The following TCF12 variants were observed in gnomAD, a reference collection of about 807,000 sequenced individuals.
The protein encoded by TCF12 is DNA-binding protein HTF4.
In TCF12, 45 loss-of-function variants were observed where a neutral mutation model predicts 86.0. The observed-to-expected ratio is 0.52, with a 90% CI of 0.41 to 0.67. TCF12 has a LOEUF of 0.67. TCF12 is among the 30% of genes least tolerant of loss of function. The pLI is 0.00. For synonymous variants in TCF12, 330 were observed against 299.6 expected (o/e 1.10, Z -1.05); for missense variants, 881 against 859.9 (o/e 1.02, Z -0.31).
intron 3 of TCF12, among the ~76,000 whole-genome samples, chr15:56,952,214 A>G (rs1184339422): frequency 6.6e-6 from 1 of 152,060 alleles, no homozygotes; most frequent in African/African-American, 2.4e-5. Flanking sequence ...ACACAAATAC[A>G]TGTGTATGTT....
At chr15:57,195,663 G>C (rs2057224119) in intron 7 of TCF12, among the ~76,000 whole-genome samples, 1 of 152,102 alleles carries the variant, frequency 6.6e-6, no homozygotes, top group African/African-American at 2.4e-5. Context: ...TAACTTTGCA[G>C]CCTCCTGGGA....
At chr15:57,005,441 C>T (rs1398928814) in intron 3 of TCF12, among the ~76,000 whole-genome samples, 1 of 152,168 alleles carries the variant, frequency 6.6e-6, no homozygotes, top group African/African-American at 2.4e-5. Flanking sequence ...GCTGACTTAG[C>T]CTTCCTTCAA....
intron 3 of TCF12, among the ~76,000 whole-genome samples, chr15:56,936,099 A>G (rs1280552527): frequency 6.6e-6 from 1 of 152,192 alleles, no homozygotes; most frequent in Non-Finnish European, 1.5e-5. Flanking sequence ...ACTAGTTTAC[A>G]TTCCCACAAG....
intron 3 of TCF12, among the ~76,000 whole-genome samples, chr15:57,049,547 C>T (rs541644539): frequency 6.6e-6 from 1 of 152,280 alleles, no homozygotes; most frequent in East Asian, 1.9e-4. Context: ...GCAGTTTGTT[C>T]TTTCTGTTGC....
chr15:57,001,203 T>C (rs2435903), intron 3 of TCF12: 157,165 of 157,414 alleles, frequency 1, 78,460 homozygotes, highest in South Asian at 1. Context: ...TTTCAGTAGA[T>C]AGGGTTTTGC....
intron 6 of TCF12, among the ~76,000 whole-genome samples, chr15:57,182,171 C>T (rs1488138752): frequency 1.3e-5 from 2 of 152,102 alleles, no homozygotes; most frequent in African/African-American, 4.8e-5. Context: ...ATCAATAATG[C>T]TTCTCATTTG....
chr15:57,130,811 C>T (rs1418689987), intron 5 of TCF12, among the ~76,000 whole-genome samples: 3 of 152,148 alleles, frequency 2.0e-5, no homozygotes, highest in Non-Finnish European at 4.4e-5. Flanking sequence ...ATAAAATCTT[C>T]ACAACTTACG....
intron 3 of TCF12, among the ~76,000 whole-genome samples, chr15:56,934,329 A>G (rs2060374592): frequency 6.6e-6 from 1 of 152,208 alleles, no homozygotes; most frequent in Non-Finnish European, 1.5e-5. Flanking sequence ...GACACTAAAG[A>G]GTTAACGTTT....
chr15:57,232,453 G>A (rs2059180180), intron 10 of TCF12, 23 bp downstream of exon 10: 6 of 1,574,324 alleles, frequency 3.8e-6, no homozygotes, highest in Non-Finnish European at 8.6e-7. Flanking sequence ...ACGTGACTAG[G>A]GTACAGCAAC....
chr15:57,060,000 A>C (rs1282497649), intron 3 of TCF12, among the ~76,000 whole-genome samples: 3 of 152,176 alleles, frequency 2.0e-5, no homozygotes, highest in African/African-American at 7.2e-5. Flanking sequence ...AAGGTAGTCT[A>C]AATCTGTGTT....
chr15:57,115,721 C>G (rs1205675330), intron 5 of TCF12, among the ~76,000 whole-genome samples: 1 of 151,970 alleles, frequency 6.6e-6, no homozygotes, highest in African/African-American at 2.4e-5. Flanking sequence ...TGCTTAATTC[C>G]TAGCAGAGAA....
At chr15:57,143,158 C>A (rs202244222) in intron 5 of TCF12, among the ~76,000 whole-genome samples, 2 of 125,300 alleles carry the variant, frequency 1.6e-5, no homozygotes, top group Non-Finnish European at 1.8e-5. Context: ...TGCCCCCCCC[C>A]ACCAAAAAAA....
intron 6 of TCF12, among the ~76,000 whole-genome samples, chr15:57,180,165 G>C (rs2056235920): frequency 1.3e-5 from 2 of 152,060 alleles, no homozygotes; most frequent in African/African-American, 4.8e-5. Context: ...ATCATTTGTA[G>C]AAAATTAACA....
At chr15:56,918,191 G>A (rs2059590619), upstream of TCF12, 1 of 456,102 alleles carries the variant, frequency 2.2e-6, no homozygotes, top group South Asian at 1.5e-5. Context: ...TTAGGGTGGC[G>A]TCCAGCGTGA....
intron 3 of TCF12, among the ~76,000 whole-genome samples, chr15:57,058,541 G>A (rs1461512206): frequency 1.3e-5 from 2 of 152,168 alleles, no homozygotes; most frequent in East Asian, 1.9e-4. Flanking sequence ...ACCGGAAAGG[G>A]TGATTCCTTC....
intron 16 of TCF12, among the ~76,000 whole-genome samples, chr15:57,254,896 T>C (rs1193696229): frequency 7.1e-6 from 1 of 140,610 alleles, no homozygotes; most frequent in Admixed American, 7.0e-5. Context: ...GAAAAAAATA[T>C]GAGAGGGTAT....
chr15:57,022,119 C>T (rs2065527029), intron 3 of TCF12, among the ~76,000 whole-genome samples: 1 of 151,930 alleles, frequency 6.6e-6, no homozygotes, highest in Non-Finnish European at 1.5e-5. Context: ...GCACAACGTG[C>T]AGGTTTGATA....
intron 13 of TCF12, chr15:57,247,688 G>T: frequency 1.3e-6 from 1 of 747,204 alleles, no homozygotes. Flanking sequence ...TGTTAGATGG[G>T]CACCAGACTT....
At chr15:56,949,608 G>A (rs2061170751) in intron 3 of TCF12, among the ~76,000 whole-genome samples, 1 of 152,208 alleles carries the variant, frequency 6.6e-6, no homozygotes, top group Admixed American at 6.5e-5. Context: ...GTTTAAAAGA[G>A]TTGAGCTGTA....
Sources: allele counts gnomAD v4.1 joint callset (sites outside exome capture counted in the v4.1 genomes callset), GRCh38; gene constraint gnomAD v4.1.1; transcripts MANE v1.5; gene names NCBI Gene and HGNC (gene_info 2026-07-23, HGNC 2026-07-21).